The following PDE11A variants were observed in gnomAD, a reference collection of about 807,000 sequenced individuals.
PDE11A encodes the protein dual 3',5'-cyclic-AMP and -GMP phosphodiesterase 11A.
PDE11A carries 100 observed loss-of-function variants against 100.5 expected under a neutral mutation model. That is an observed-to-expected ratio of 1.00 (90% CI 0.85 to 1.18). The LOEUF is 1.18. Among genes scored for constraint, PDE11A ranks in the 50% most tolerant of loss-of-function variants. PDE11A has a pLI of 0.00. For synonymous variants in PDE11A, 381 were observed against 420.8 expected, an observed-to-expected ratio of 0.91 and a Z score of 1.16; for missense variants, 1,141 against 1,152.6, an observed-to-expected ratio of 0.99 and a Z score of 0.15.
chr2:177,946,624 C>T (rs1574299817), intron 2 of PDE11A, among the ~76,000 whole-genome samples: 1 of 109,970 alleles, frequency 9.1e-6, no homozygotes, highest in South Asian at 3.5e-4. Context: ...CCGCCCCGTC[C>T]GGGAGGGAGG....
chr2:177,673,269 T>C (rs185830307), intron 17 of PDE11A, among the ~76,000 whole-genome samples: 29 of 152,288 alleles, frequency 1.9e-4, no homozygotes, highest in African/African-American at 5.8e-4. Flanking sequence ...TTCAACCTTC[T>C]TTAGGTGAGA....
intron 9 of PDE11A, among the ~76,000 whole-genome samples, chr2:177,787,039 G>C (rs568885530): frequency 7.1e-6 from 1 of 140,756 alleles, no homozygotes; most frequent in Admixed American, 7.0e-5. Context: ...TACAGAGAAC[G>C]CCACAAAGAT....
intron 2 of PDE11A, among the ~76,000 whole-genome samples, chr2:178,079,395 G>A (rs1330094129): frequency 6.6e-6 from 1 of 152,002 alleles, no homozygotes; most frequent in Non-Finnish European, 1.5e-5. Flanking sequence ...TGTGGGTTTG[G>A]TTTTCTATTC....
Position 177,877,169 on chromosome 2 carries a change from T to C in PDE11A, c.1303-1246A>G, listed in dbSNP as rs1233917077. The stretch of plus-strand genomic sequence containing the variant: ...GGAACTTCACTGCAAACAAAGGTTA[T>C]CTTTTTTTTTTTTTGGACAGGTTCT... On this transcript the variant is annotated intron_variant, in intron 4 of 19. Coordinates refer to ENST00000286063, the MANE Select transcript of PDE11A (RefSeq NM_016953.4). Among the ~76,000 whole-genome samples the C allele has an allele frequency of 2.9e-5, 4 of 139,680 alleles. 1 individual carries two copies. The highest frequency in any genetic ancestry group is 6.4e-5 in the Non-Finnish European group (4 of 62,542). 91.6% of individuals were successfully genotyped at this position (139,680 alleles called of 152,430 possible). A position where few individuals can be genotyped will look rare whatever the true frequency, so the allele number is the denominator to read the frequency against.
chr2:177,893,722 T>C (rs371082820), intron 4 of PDE11A, among the ~76,000 whole-genome samples: 15 of 152,274 alleles, frequency 9.9e-5, no homozygotes, highest in African/African-American at 3.6e-4. Flanking sequence ...ACCAGGGGCA[T>C]CAGAGGTGAT....
chr2:177,855,866 A>G (rs895952080), intron 5 of PDE11A, among the ~76,000 whole-genome samples: 1 of 150,906 alleles, frequency 6.6e-6, no homozygotes, highest in African/African-American at 2.4e-5. Context: ...AGGCTTTGAA[A>G]AGCTTGTACA....
intron 6 of PDE11A, among the ~76,000 whole-genome samples, chr2:177,836,867 A>G (rs1317621043): frequency 1.3e-5 from 2 of 152,204 alleles, no homozygotes; most frequent in Non-Finnish European, 2.9e-5. Context: ...CGAGACCATG[A>G]ACCCACCAGA....
Position 177,853,692 on chromosome 2 carries a change from GTGTGTGTGTGTGTGTGTGTGTT to G in PDE11A, c.1368-13331_1368-13310del, listed in dbSNP as rs1421420138. ...TATATATATATATATGTGTGTGTGT[GTGTGTGTGTGTGTGTGTGTGTT>G]TGTGTGTGTGTGTGTGTATATCTAT... On this transcript the variant is annotated intron_variant, in intron 5 of 19. Transcript: ENST00000286063. Among the ~76,000 whole-genome samples the G allele has an allele frequency of 3.6e-4, 12 of 33,612 alleles. 1 individual carries two copies. Among genetic ancestry groups the G allele is most frequent in the Middle Eastern group, 0.012 (1 of 82 alleles). The allele number at this position is 33,612 out of a possible 152,430, so 22.1% of individuals were successfully genotyped here.
At chr2:177,869,971 T>C (rs1192095353) in intron 5 of PDE11A, among the ~76,000 whole-genome samples, 3 of 152,240 alleles carry the variant, frequency 2.0e-5, no homozygotes, top group African/African-American at 7.2e-5. Flanking sequence ...GTTGAAAATT[T>C]TTGACAAATT....
At chr2:177,755,220 G>T (rs570435638) in intron 10 of PDE11A, among the ~76,000 whole-genome samples, 10 of 152,330 alleles carry the variant, frequency 6.6e-5, no homozygotes, top group African/African-American at 2.2e-4. Flanking sequence ...AGCCAAATCA[G>T]GGTGAGCATC....
chr2:177,879,033 C>T (rs980051351), intron 4 of PDE11A, among the ~76,000 whole-genome samples: 2 of 152,124 alleles, frequency 1.3e-5, no homozygotes, highest in Non-Finnish European at 2.9e-5. Context: ...AATTCCTGAT[C>T]TGATAAATGA....
intron 18 of PDE11A, among the ~76,000 whole-genome samples, chr2:177,664,231 C>G (rs995373413): frequency 3.3e-5 from 5 of 152,250 alleles, no homozygotes; most frequent in Admixed American, 1.3e-4. Flanking sequence ...GCTACTAAAT[C>G]AAGTCATCAG....
intron 9 of PDE11A, among the ~76,000 whole-genome samples, chr2:177,793,923 C>T (rs143574143): frequency 6.6e-6 from 1 of 152,274 alleles, no homozygotes; most frequent in East Asian, 1.9e-4. Context: ...TTGGGAAACA[C>T]AATGCCTTTA....
chr2:177,811,840 C>T (rs2082952874), intron 9 of PDE11A, among the ~76,000 whole-genome samples: 1 of 152,160 alleles, frequency 6.6e-6, no homozygotes, highest in Admixed American at 6.5e-5. Flanking sequence ...AGCAGCTGCA[C>T]TTGCGATGCT....
intron 10 of PDE11A, among the ~76,000 whole-genome samples, chr2:177,728,870 T>C (rs915635767): frequency 3.9e-5 from 6 of 152,216 alleles, no homozygotes; most frequent in African/African-American, 1.2e-4. Context: ...AAAACACCCA[T>C]GTTAGGCAAC....
At chr2:177,999,805 T>A (rs1303945058) in intron 2 of PDE11A, among the ~76,000 whole-genome samples, 1 of 152,232 alleles carries the variant, frequency 6.6e-6, no homozygotes, top group East Asian at 1.9e-4. Context: ...TGCTATTATA[T>A]TTTAGTTTTA....
intron 4 of PDE11A, among the ~76,000 whole-genome samples, chr2:177,877,807 A>G (rs1462657648): frequency 6.6e-6 from 1 of 152,146 alleles, no homozygotes; most frequent in East Asian, 1.9e-4. Flanking sequence ...TTGACAAGAT[A>G]TACCACATGA....
chr2:178,074,936 A>G (rs530247878), upstream of PDE11A, among the ~76,000 whole-genome samples: 12 of 152,268 alleles, frequency 7.9e-5, no homozygotes, highest in Admixed American at 6.5e-4. Context: ...GAGGGCTGAT[A>G]ATAAGATGTG....
intron 4 of PDE11A, among the ~76,000 whole-genome samples, chr2:177,891,130 G>T (rs929629012): frequency 1.3e-5 from 2 of 152,110 alleles, no homozygotes; most frequent in African/African-American, 4.8e-5. Flanking sequence ...AGGAGGAGTT[G>T]CTGGGTGCAA....
Sources: gnomAD v4.1 joint callset for allele counts (sites outside exome capture counted in the v4.1 genomes callset) on GRCh38, gnomAD v4.1.1 for gene constraint, MANE v1.5 for transcripts, NCBI Gene and HGNC (gene_info 2026-07-23, HGNC 2026-07-21) for gene names.